The following POU3F3 variants were observed in gnomAD, a reference collection of about 807,000 sequenced individuals.
POU3F3 encodes the protein POU class 3 homeobox 3.
A neutral mutation model predicts 8.6 loss-of-function variants in POU3F3; 1 was observed. The ratio of observed to expected loss-of-function variants is 0.12; its 90% CI spans 0.04 to 0.55. POU3F3 has a LOEUF of 0.55. POU3F3 is among the 20% of genes least tolerant of loss of function. The pLI, the probability that POU3F3 is intolerant of heterozygous loss-of-function variation, is 0.91. For missense variants in POU3F3, 577 were observed against 690.7 expected (o/e 0.84, Z 1.84); for synonymous variants, 418 against 327.4 (o/e 1.28, Z -2.99).
At chr2:104,885,157 G>A in the POU3F3 span, among the ~76,000 whole-genome samples, 46,696 of 152,098 alleles carry the variant, frequency 0.31, 7,541 homozygotes, top group East Asian at 0.62. Flanking sequence ...AAAAATGTCT[G>A]TCCAATGATC....
At chr2:104,890,536 G>T in the POU3F3 span, among the ~76,000 whole-genome samples, 1 of 152,092 alleles carries the variant, frequency 6.6e-6, no homozygotes, top group Non-Finnish European at 1.5e-5. Context: ...GAGGGGAAGT[G>T]GCATCAAGCA....
the POU3F3 span, among the ~76,000 whole-genome samples, chr2:104,881,339 T>G: frequency 1.3e-5 from 2 of 152,066 alleles, no homozygotes; most frequent in Non-Finnish European, 2.9e-5. Context: ...AAAAAGATTT[T>G]TTTTTTGTAG....
chr2:104,913,497 C>G, the POU3F3 span, among the ~76,000 whole-genome samples: 8 of 152,166 alleles, frequency 5.3e-5, no homozygotes, highest in Non-Finnish European at 2.9e-5. Flanking sequence ...CCCTCTGTGT[C>G]TATCAGAGCT....
At chr2:104,883,898 T>C in the POU3F3 span, among the ~76,000 whole-genome samples, 6 of 152,174 alleles carry the variant, frequency 3.9e-5, no homozygotes, top group Non-Finnish European at 7.3e-5. Context: ...TCAGAATGGC[T>C]GAGCTTGCCA....
the POU3F3 span, among the ~76,000 whole-genome samples, chr2:104,921,084 A>G: frequency 2.6e-5 from 4 of 152,048 alleles, no homozygotes; most frequent in Non-Finnish European, 5.9e-5. Flanking sequence ...AAATATCTTT[A>G]CTCTATGAGA....
the POU3F3 span, among the ~76,000 whole-genome samples, chr2:104,880,071 GA>G: frequency 6.6e-6 from 1 of 152,144 alleles, no homozygotes; most frequent in Non-Finnish European, 1.5e-5. Context: ...AGTTTCTTCT[GA>G]TATTTCAGTG....
downstream of POU3F3, among the ~76,000 whole-genome samples, chr2:104,861,831 AG>A (rs1215133115): frequency 6.6e-6 from 1 of 152,184 alleles, no homozygotes; most frequent in African/African-American, 2.4e-5. Context: ...TCAGCTCCTC[AG>A]GGCTGCTGGT....
chr2:104,904,739 A>G, the POU3F3 span, among the ~76,000 whole-genome samples: 1 of 152,138 alleles, frequency 6.6e-6, no homozygotes, highest in Non-Finnish European at 1.5e-5. Context: ...CGTCTCATGT[A>G]TAGGACGATG....
chr2:104,874,017 C>A, the POU3F3 span, among the ~76,000 whole-genome samples: 3 of 152,248 alleles, frequency 2.0e-5, no homozygotes, highest in Non-Finnish European at 4.4e-5. Context: ...GCAGGCGCAC[C>A]TGCTTCTGGA....
the POU3F3 span, among the ~76,000 whole-genome samples, chr2:104,916,470 T>C: frequency 6.6e-6 from 1 of 152,196 alleles, no homozygotes; most frequent in Non-Finnish European, 1.5e-5. Flanking sequence ...ATAGTCAGGC[T>C]GTCAGCTGAG....
Position 104,855,791 on chromosome 2 carries a change from C to A in POU3F3, c.281C>A (p.Ala94Glu), listed in dbSNP as rs1172618680. The change falls in exon 1 of 1, where the codon GCG (alanine) becomes GAG (glutamate). Residue 94 changes from alanine to glutamate, a missense_variant. Coordinates refer to ENST00000361360, the MANE Select transcript of POU3F3 (RefSeq NM_006236.3). ...AACGGCGGCCATATGCTGAGCCACG[C>A]GCACCAGTGGGTCACAGCCCTGCCC... ...ASNGGHMLSH[A>E]HQWVTALPHA... 7.6e-7 allele frequency: 1 copy of A among 1,314,946 alleles called. No homozygotes were observed. The highest frequency in any genetic ancestry group is 1.4e-5 in the South Asian group (1 of 73,682). 81.5% of individuals were successfully genotyped at this position (1,314,946 alleles called of 1,614,324 possible). A position where few individuals can be genotyped will look rare whatever the true frequency, so the allele number is the denominator to read the frequency against.
chr2:104,855,459 TGCG>T lies in POU3F3; in HGVS notation c.-38_-36del, dbSNP rs1220167134. 144 of 787,550 alleles carry T rather than the reference TGCG, an allele frequency of 1.8e-4. No homozygotes were observed. The highest frequency in any genetic ancestry group is 3.8e-4 in the East Asian group (2 of 5,238). The allele number at this position is 787,550 out of a possible 1,614,324, so 48.8% of individuals were successfully genotyped here. ...CGGCGGCGGCGGCCGCGGCTGCTGC[TGCG>T]GCGGCGGCGGCGGTGGTGGCGGCGG... On this transcript the variant is annotated 5_prime_UTR_variant, in exon 1 of 1. Coordinates refer to ENST00000361360, the MANE Select transcript of POU3F3 (RefSeq NM_006236.3).
the POU3F3 span, among the ~76,000 whole-genome samples, chr2:104,873,206 G>C: frequency 1.3e-5 from 2 of 152,180 alleles, no homozygotes; most frequent in Non-Finnish European, 2.9e-5. Context: ...AGTAAGGGCA[G>C]AGAAAGGGGC....
downstream of POU3F3, among the ~76,000 whole-genome samples, chr2:104,861,711 T>G (rs771701709): frequency 2.0e-5 from 3 of 152,136 alleles, no homozygotes; most frequent in Admixed American, 6.5e-5. Context: ...AGCACAGGTG[T>G]TGTTGTCGTT....
At chr2:104,906,962 C>T in the POU3F3 span, among the ~76,000 whole-genome samples, 1 of 152,138 alleles carries the variant, frequency 6.6e-6, no homozygotes, top group Admixed American at 6.5e-5. Flanking sequence ...CAATCTATTT[C>T]TGCGTATCTG....
chr2:104,892,668 T>G, the POU3F3 span, among the ~76,000 whole-genome samples: 1 of 151,654 alleles, frequency 6.6e-6, no homozygotes, highest in Non-Finnish European at 1.5e-5. Flanking sequence ...TGTATATATA[T>G]ACACATATGT....
rs895839135 is a variant in POU3F3 at position 104,857,087 on chromosome 2, TGCCGCCGCCGCCGCC to T, written c.*89_*103del. On this transcript the variant is annotated 3_prime_UTR_variant, in exon 1 of 1. Coordinates refer to ENST00000361360, the MANE Select transcript of POU3F3 (RefSeq NM_006236.3). ...CCGCCGTCAGCACCGCCGCCGCCCC[TGCCGCCGCCGCCGCC>T]GCCGCCGCCGCCGCTGCCGCCGCCG... 154 of 1,002,138 alleles carry T rather than the reference TGCCGCCGCCGCCGCC, an allele frequency of 1.5e-4. No homozygotes were observed. Among genetic ancestry groups the T allele is most frequent in the Non-Finnish European group, 1.7e-4 (140 of 839,186 alleles). 62.1% of individuals were successfully genotyped at this position (1,002,138 alleles called of 1,614,324 possible).
the POU3F3 span, among the ~76,000 whole-genome samples, chr2:104,898,628 T>C: frequency 6.6e-6 from 1 of 152,226 alleles, no homozygotes; most frequent in Admixed American, 6.5e-5. Context: ...AGTGGTCCTT[T>C]GGTAAGCCTT....
At chr2:104,885,355 T>C in the POU3F3 span, among the ~76,000 whole-genome samples, 2 of 152,224 alleles carry the variant, frequency 1.3e-5, no homozygotes, top group African/African-American at 4.8e-5. Context: ...GGCTGAGACC[T>C]GCATTGCTGC....
Sources: gnomAD v4.1 joint callset for allele counts (sites outside exome capture counted in the v4.1 genomes callset) on GRCh38, gnomAD v4.1.1 for gene constraint, MANE v1.5 for transcripts, NCBI Gene and HGNC (gene_info 2026-07-23, HGNC 2026-07-21) for gene names.